The following RSPH6A variants were observed in gnomAD, a reference collection of about 807,000 sequenced individuals.
The protein encoded by RSPH6A is radial spoke head protein 6 homolog A.
A neutral mutation model predicts 66.1 loss-of-function variants in RSPH6A; 49 were observed. That is an observed-to-expected ratio of 0.74 (90% CI 0.59 to 0.94). The LOEUF (loss-of-function observed/expected upper bound fraction) is 0.94, where lower values mean the gene tolerates loss of function less well. Ranked by LOEUF, RSPH6A falls within the 40% of genes least tolerant of loss-of-function variation. The pLI, the probability that RSPH6A is intolerant of heterozygous loss-of-function variation, is 0.00. For synonymous variants in RSPH6A, 419 were observed against 402.4 expected (o/e 1.04, Z -0.49); for missense variants, 977 against 948.3 (o/e 1.03, Z -0.40).
intron 4 of RSPH6A, among the ~76,000 whole-genome samples, 167 bp from the exon 5 acceptor site, chr19:45,800,730 C>CCA (rs3045732): frequency 0.017 from 1,894 of 113,332 alleles, 40 homozygotes; most frequent in African/African-American, 0.05. Context: ...TCGCTGCAGA[C>CCA]CACACACACA....
chr19:45,804,547 C>T lies in RSPH6A; in HGVS notation c.1358G>A (p.Arg453Gln), dbSNP rs893107445. ...GCCTGTGAAGAACTTCTTGATCTTTCGGGCGTTCACGATCTGGGCTGGAGT... is the reference window on the plus strand; with the variant it reads ...GCCTGTGAAGAACTTCTTGATCTTTTGGGCGTTCACGATCTGGGCTGGAGT... ...HVTPAQIVNA[R>Q]KIKKFFTGYL... The change falls in exon 3 of 6, where the codon CGA becomes CAA. Residue 453 changes from arginine to glutamine, a missense_variant. Arg to Gln is a conservative substitution (Grantham distance 43). Coordinates refer to ENST00000221538, the MANE Select transcript of RSPH6A (RefSeq NM_030785.4). The surrounding 1 kb of genome is among the most constrained non-coding windows in gnomAD (Gnocchi z 5.8). 4 of 1,614,064 alleles carry T rather than the reference C, an allele frequency of 2.5e-6. No individual in the cohort carries two copies. The highest frequency in any genetic ancestry group is 1.1e-5 in the South Asian group (1 of 91,084).
intron 5 of RSPH6A, among the ~76,000 whole-genome samples, chr19:45,798,179 T>A (rs1970428615): frequency 6.6e-6 from 1 of 151,374 alleles, no homozygotes; most frequent in African/African-American, 2.4e-5. Context: ...GCCAACATGG[T>A]GAAACCCCAT....
chr19:45,799,341 G>A (rs1286354935), intron 5 of RSPH6A, among the ~76,000 whole-genome samples: 1 of 152,100 alleles, frequency 6.6e-6, no homozygotes, highest in African/African-American at 2.4e-5. Context: ...GTGGGAGGAT[G>A]TAGGAGTGAC....
At chr19:45,812,251 G>A (rs947403083) in intron 1 of RSPH6A, among the ~76,000 whole-genome samples, 1 of 151,394 alleles carries the variant, frequency 6.6e-6, no homozygotes, top group Non-Finnish European at 1.5e-5. Context: ...AACATGCCTG[G>A]CTAATTTTTG....
intron 4 of RSPH6A, among the ~76,000 whole-genome samples, chr19:45,800,797 C>CTT (rs58407168): frequency 1.4e-5 from 2 of 138,304 alleles, no homozygotes; most frequent in South Asian, 2.3e-4. Context: ...CTCTCGCTCT[C>CTT]TTTTTTTTTT....
intron 4 of RSPH6A, among the ~76,000 whole-genome samples, chr19:45,800,983 A>G (rs1484466126): frequency 6.6e-6 from 1 of 151,936 alleles, no homozygotes; most frequent in Non-Finnish European, 1.5e-5. Context: ...TTTTTAGTAG[A>G]GACAGGGTTT....
chr19:45,800,663 G>C (rs1970459688), intron 4 of RSPH6A, 100 bp from the exon 5 acceptor site: 2 of 1,009,604 alleles, frequency 2.0e-6, no homozygotes, highest in Non-Finnish European at 2.9e-6. Flanking sequence ...AGGGAGGCCT[G>C]GAGGGGCATG....
At chr19:45,803,903 C>A (rs1259715938) in intron 3 of RSPH6A, among the ~76,000 whole-genome samples, 1 of 147,070 alleles carries the variant, frequency 6.8e-6, no homozygotes, top group African/African-American at 2.5e-5. Context: ...TGAGGCGGGA[C>A]AATCGCTTGA....
At chr19:45,813,202 A>C (rs1441244561) in intron 1 of RSPH6A, among the ~76,000 whole-genome samples, 2 of 152,054 alleles carry the variant, frequency 1.3e-5, no homozygotes, top group African/African-American at 4.8e-5. Flanking sequence ...CTGCTCCTCA[A>C]AAACAGCAAG....
At chr19:45,811,632 C>T (rs1284204683) in intron 1 of RSPH6A, among the ~76,000 whole-genome samples, 1 of 151,588 alleles carries the variant, frequency 6.6e-6, no homozygotes, top group Non-Finnish European at 1.5e-5. Flanking sequence ...TAGAGGGTTT[C>T]GCCATGGTGG....
At chr19:45,812,128 G>A (rs2146290075) in intron 1 of RSPH6A, among the ~76,000 whole-genome samples, 1 of 151,352 alleles carries the variant, frequency 6.6e-6, no homozygotes, top group South Asian at 2.1e-4. Context: ...GTCTCACTTT[G>A]TCACTCAGGC....
intron 5 of RSPH6A, among the ~76,000 whole-genome samples, chr19:45,797,380 C>CAA (rs1214975588): frequency 2.9e-5 from 2 of 68,238 alleles, no homozygotes; most frequent in African/African-American, 1.0e-4. Flanking sequence ...GACTCTGTCT[C>CAA]AAAAAAAAAA....
At chr19:45,800,230 C>T (rs150479794) in intron 5 of RSPH6A, among the ~76,000 whole-genome samples, 2 of 152,204 alleles carry the variant, frequency 1.3e-5, no homozygotes, top group African/African-American at 4.8e-5. Flanking sequence ...TCTCCTTGCT[C>T]TCATCATGAC....
chr19:45,796,431 C>T (rs1401221721), intron 5 of RSPH6A, among the ~76,000 whole-genome samples: 1 of 151,548 alleles, frequency 6.6e-6, no homozygotes, highest in East Asian at 1.9e-4. Context: ...GGATTACAGA[C>T]GTGAGCCACC....
chr19:45,796,028 A>C lies in RSPH6A; in HGVS notation c.1995T>G (p.Ile665Met), dbSNP rs1261266947. The part of the protein sequence containing the change: ...ESFNPALPAP[I>M]QQEYPSGPEI... The stretch of plus-strand genomic sequence containing the variant: ...CTGGGCCACTGGGGTACTCTTGTTG[A>C]ATGGGGGCTGGCAGGGCCGGGTTGA... Residue 665 changes from isoleucine (I) to methionine (M), a missense_variant, in exon 6 of 6, where the codon ATT becomes ATG. Ile to Met is a conservative substitution (Grantham distance 10, BLOSUM62 1). Transcript: ENST00000221538. 1 of 1,613,022 alleles carries C rather than the reference A, an allele frequency of 6.2e-7. No individual in the cohort carries two copies. The highest frequency in any genetic ancestry group is 1.3e-5 in the African/African-American group (1 of 74,612).
chr19:45,811,105 T>C (rs1970621587), intron 1 of RSPH6A, among the ~76,000 whole-genome samples: 1 of 152,158 alleles, frequency 6.6e-6, no homozygotes, highest in South Asian at 2.1e-4. Flanking sequence ...ATAATTCTCC[T>C]GCCTCAGCCT....
intron 4 of RSPH6A, among the ~76,000 whole-genome samples, chr19:45,800,796 T>TCG (rs1568597736): frequency 9.1e-5 from 11 of 120,690 alleles, no homozygotes; most frequent in South Asian, 2.6e-4. Context: ...TCTCTCGCTC[T>TCG]CTTTTTTTTT....
chr19:45,797,142 C>T (rs886969236), intron 5 of RSPH6A, among the ~76,000 whole-genome samples: 5 of 151,634 alleles, frequency 3.3e-5, no homozygotes, highest in Admixed American at 6.6e-5. Context: ...TTTGGGAGGC[C>T]GAGGCGGGCG....
rs137917866 is a variant in RSPH6A, at chr19:45,801,045, G to A, written c.1799-482C>T. 2.1e-3 allele frequency among the ~76,000 whole-genome samples: 322 copies of A among 152,164 alleles called. 1 individual carries two copies. The highest frequency in any genetic ancestry group is 7.3e-3 in the African/African-American group (304 of 41,520). On this transcript the variant is annotated intron_variant, in intron 4 of 5. Transcript: ENST00000221538. ...ACTCCTGACCTCAGGTGATCCACCC[G>A]CCTCAGCCCCCCAAAGTGCTGGGAT...
Sources: gnomAD v4.1 joint callset for allele counts (sites outside exome capture counted in the v4.1 genomes callset) on GRCh38, gnomAD v4.1.1 for gene constraint, Gnocchi (gnomAD v3.1) non-coding constraint, MANE v1.5 for transcripts, NCBI Gene and HGNC (gene_info 2026-07-23, HGNC 2026-07-21) for gene names.